The following PHKB variants were observed in gnomAD, a reference collection of about 807,000 sequenced individuals.
PHKB encodes the protein phosphorylase b kinase regulatory subunit beta.
In PHKB, 122 loss-of-function variants were observed where a neutral mutation model predicts 152.1. The ratio of observed to expected loss-of-function variants is 0.80; its 90% CI spans 0.69 to 0.93. PHKB has a LOEUF of 0.93. Ranked by LOEUF, PHKB falls within the 40% of genes least tolerant of loss-of-function variation. PHKB has a pLI of 0.00. For missense variants in PHKB, 1,304 were observed against 1,328.4 expected (o/e 0.98, Z 0.29); for synonymous variants, 436 against 464.9 (o/e 0.94, Z 0.80).
chr16:47,464,112 T>A (rs1200597436), intron 1 of PHKB: 1 of 748,148 alleles, frequency 1.3e-6, no homozygotes, highest in Non-Finnish European at 2.4e-6. Context: ...GGCCCAGGCC[T>A]GAGTACCCGG....
Position 47,479,256 on chromosome 16 carries a change from C to T in PHKB, c.76+17830C>T, listed in dbSNP as rs28441575. 4.2e-3 allele frequency among the ~76,000 whole-genome samples: 641 copies of T among 152,164 alleles called. 6 individuals carry two copies. Among genetic ancestry groups the T allele is most frequent in the African/African-American group, 0.015 (609 of 41,516 alleles). ...GATAATAGCTTTGGATTTGTCAGTACGGTGATGCAAAGATCTTAAAGCAAG... is the reference window on the plus strand; with the variant it reads ...GATAATAGCTTTGGATTTGTCAGTATGGTGATGCAAAGATCTTAAAGCAAG... On this transcript the variant is annotated intron_variant, in intron 1 of 30. Coordinates refer to ENST00000323584, the MANE Select transcript of PHKB (RefSeq NM_000293.3).
At chr16:47,655,937 C>A (rs1481504773) in intron 20 of PHKB, among the ~76,000 whole-genome samples, 2 of 152,114 alleles carry the variant, frequency 1.3e-5, no homozygotes, top group African/African-American at 4.8e-5. Flanking sequence ...CTACCTATCT[C>A]ATTTTCCCAT....
chr16:47,587,845 T>G lies in PHKB; in HGVS notation c.870+82T>G, dbSNP rs770367437. ...AGTTATATCTTAATTTCCAGTAAAG[T>G]ACTCTAAAATGTTAGTGATCGTCCA... On this transcript the variant is annotated intron_variant, in intron 9 of 30. Coordinates refer to ENST00000323584, the MANE Select transcript of PHKB (RefSeq NM_000293.3). 364 of 1,031,104 alleles carry G rather than the reference T, an allele frequency of 3.5e-4. 2 individuals carry two copies. Among genetic ancestry groups the G allele is most frequent in the Non-Finnish European group, 4.8e-4 (325 of 670,694 alleles). The allele number at this position is 1,031,104 out of a possible 1,614,324, so 63.9% of individuals were successfully genotyped here.
intron 16 of PHKB, among the ~76,000 whole-genome samples, chr16:47,645,813 A>G (rs1235744153): frequency 7.3e-6 from 1 of 136,068 alleles, no homozygotes; most frequent in East Asian, 2.3e-4. Flanking sequence ...AGAAATGCAA[A>G]TCAAAACCAC....
rs1970350536 is a variant in PHKB at position 47,503,078 on chromosome 16, T to C, written c.393T>C (p.Arg131=). The C allele has an allele frequency of 6.2e-7, 1 of 1,601,798 alleles. No individual in the cohort carries two copies. Among genetic ancestry groups the C allele is most frequent in the East Asian group, 2.2e-5 (1 of 44,796 alleles). The change falls in exon 4 of 31, where the codon CGT becomes CGC. Residue 131 remains arginine, a synonymous_variant. Transcript: ENST00000323584. The part of the protein sequence containing the change: ...CMRGILYCYM[R]QADKVQQFKQ... Reference sequence around the variant, plus strand: ...GAGGAATTCTCTACTGCTATATGCGTCAGGCCGATAAGGTAAAACATTGTG... The same window carrying C: ...GAGGAATTCTCTACTGCTATATGCGCCAGGCCGATAAGGTAAAACATTGTG...
rs139085842 is a variant in PHKB, at chr16:47,526,080, A to G, written c.594+10479A>G. Among the ~76,000 whole-genome samples, 18 of 152,242 alleles carry G rather than the reference A, an allele frequency of 1.2e-4. No homozygotes were observed. The East Asian group carries it at 3.5e-3, about 29-fold the overall frequency. ...ATCTGCTACTCAAGAAGAACTAACC[A>G]GCCTCTAACCAGGGCCTCAAAATTG... On this transcript the variant is annotated intron_variant, in intron 6 of 30. Coordinates refer to ENST00000323584, the MANE Select transcript of PHKB (RefSeq NM_000293.3).
At chr16:47,543,156 T>C (rs1195458568) in intron 6 of PHKB, among the ~76,000 whole-genome samples, 3 of 152,202 alleles carry the variant, frequency 2.0e-5, no homozygotes, top group Admixed American at 6.5e-5. Context: ...ATAGCTCTTA[T>C]TATTTTGAGA....
chr16:47,539,717 A>G (rs982753213), intron 6 of PHKB, among the ~76,000 whole-genome samples: 1 of 152,226 alleles, frequency 6.6e-6, no homozygotes, highest in Admixed American at 6.5e-5. Context: ...GCAGAGGAAC[A>G]TAAATTGTGA....
chr16:47,596,833 A>G (rs1348436742), intron 13 of PHKB, among the ~76,000 whole-genome samples: 1 of 152,162 alleles, frequency 6.6e-6, no homozygotes, highest in Non-Finnish European at 1.5e-5. Flanking sequence ...TTACTTTTAT[A>G]TGATATATTA....
chr16:47,490,858 G>C (rs1970138176), intron 1 of PHKB, among the ~76,000 whole-genome samples: 1 of 152,010 alleles, frequency 6.6e-6, no homozygotes, highest in Non-Finnish European at 1.5e-5. Context: ...CCAGAACCTA[G>C]TCAACATGTT....
At chr16:47,477,748 G>C (rs1969893317) in intron 1 of PHKB, among the ~76,000 whole-genome samples, 1 of 152,086 alleles carries the variant, frequency 6.6e-6, no homozygotes, top group Non-Finnish European at 1.5e-5. Flanking sequence ...TACAAACTTT[G>C]AGCTATCTCT....
intron 7 of PHKB, among the ~76,000 whole-genome samples, chr16:47,575,804 T>A (rs1235058567): frequency 6.6e-6 from 1 of 152,172 alleles, no homozygotes; most frequent in African/African-American, 2.4e-5. Context: ...AGGCCTGATG[T>A]GGTGGCTAAT....
chr16:47,659,745 A>G (rs1287260511), intron 20 of PHKB, among the ~76,000 whole-genome samples: 4 of 152,240 alleles, frequency 2.6e-5, no homozygotes, highest in Admixed American at 1.3e-4. Flanking sequence ...TCGGTATCCT[A>G]TCATTGGATG....
At chr16:47,621,690 T>C (rs1279047355) in intron 14 of PHKB, among the ~76,000 whole-genome samples, 1 of 152,174 alleles carries the variant, frequency 6.6e-6, no homozygotes, top group African/African-American at 2.4e-5. Context: ...TGAATAGAAG[T>C]TCTTATGATT....
chr16:47,623,067 T>G (rs920765688), intron 14 of PHKB, among the ~76,000 whole-genome samples: 1 of 152,202 alleles, frequency 6.6e-6, no homozygotes, highest in African/African-American at 2.4e-5. Context: ...ACTTATTAAA[T>G]GTGTGACCTT....
chr16:47,488,992 T>C (rs146223975), intron 1 of PHKB, among the ~76,000 whole-genome samples: 103 of 152,318 alleles, frequency 6.8e-4, no homozygotes, highest in Non-Finnish European at 1.3e-3. Flanking sequence ...ATGTCATTGG[T>C]AGTTTGATAG....
At chr16:47,631,578 A>T (rs1441871270) in intron 14 of PHKB, among the ~76,000 whole-genome samples, 9 of 152,096 alleles carry the variant, frequency 5.9e-5, no homozygotes, top group Non-Finnish European at 1.3e-4. Context: ...TGCTGCACCT[A>T]TCAACCCGTC....
At chr16:47,549,194 A>C (rs573840334) in intron 7 of PHKB, among the ~76,000 whole-genome samples, 5 of 152,348 alleles carry the variant, frequency 3.3e-5, no homozygotes, top group Admixed American at 3.3e-4. Context: ...CCCTCATCCA[A>C]ATTAAGTTCT....
At chr16:47,610,343 T>C (rs1421105126) in intron 13 of PHKB, among the ~76,000 whole-genome samples, 1 of 151,796 alleles carries the variant, frequency 6.6e-6, no homozygotes, top group African/African-American at 2.4e-5. Flanking sequence ...AAAAATAGGT[T>C]ATTGATTTGA....
Sources: gnomAD v4.1 joint callset for allele counts (sites outside exome capture counted in the v4.1 genomes callset) on GRCh38, gnomAD v4.1.1 for gene constraint, MANE v1.5 for transcripts, NCBI Gene and HGNC (gene_info 2026-07-23, HGNC 2026-07-21) for gene names.